IL1RN: variants seen among roughly 807,000 people sequenced by gnomAD.
IL1RN encodes the protein interleukin 1 receptor antagonist.
In IL1RN, 10 loss-of-function variants were observed where a neutral mutation model predicts 13.7. The ratio of observed to expected loss-of-function variants is 0.73; its 90% CI spans 0.45 to 1.24. The LOEUF is 1.24. Ranked by LOEUF, IL1RN falls within the 50% of genes most tolerant of loss-of-function variation. IL1RN has a pLI of 0.00. For synonymous variants in IL1RN, 102 were observed against 82.7 expected (o/e 1.23, Z -1.27); for missense variants, 213 against 222.1 (o/e 0.96, Z 0.26).
intron 2 of IL1RN, chr2:113,120,256 G>T: frequency 1.3e-6 from 1 of 786,882 alleles, no homozygotes; most frequent in Non-Finnish European, 2.3e-6. Flanking sequence ...GAATGAAAAC[G>T]ATTGATTACT....
upstream of IL1RN, among the ~76,000 whole-genome samples, chr2:113,110,282 C>T (rs1229096498): frequency 6.6e-6 from 1 of 152,200 alleles, no homozygotes; most frequent in East Asian, 1.9e-4. Flanking sequence ...CATTGTCATT[C>T]TGGGGTTTAT....
chr2:113,112,608 G>A (rs904722420), intron 1 of IL1RN, among the ~76,000 whole-genome samples: 7 of 152,092 alleles, frequency 4.6e-5, no homozygotes, highest in East Asian at 1.9e-4. Flanking sequence ...TGAATTCCCC[G>A]CCCACGCTTT....
At chr2:113,128,848 T>C (rs1478770047) in intron 1 of IL1RN, among the ~76,000 whole-genome samples, 1 of 152,142 alleles carries the variant, frequency 6.6e-6, no homozygotes, top group Non-Finnish European at 1.5e-5. Flanking sequence ...AGTCCTGCTC[T>C]CAACCAGAGA....
At chr2:113,121,575 C>T in intron 2 of IL1RN, 16 of 985,416 alleles carry the variant, frequency 1.6e-5, no homozygotes, top group Non-Finnish European at 1.8e-5. Context: ...ACTGCTGGGG[C>T]AAAAATCATC....
chr2:113,100,876 T>G, the IL1RN span, among the ~76,000 whole-genome samples: 1 of 152,246 alleles, frequency 6.6e-6, no homozygotes, highest in South Asian at 2.1e-4. Context: ...GAAAAATATT[T>G]TTTTCTCAGT....
chr2:113,131,260 A>G (rs373572361), intron 3 of IL1RN, 103 bp downstream of exon 3: 1 of 762,284 alleles, frequency 1.3e-6, no homozygotes, highest in Non-Finnish European at 2.4e-6. Flanking sequence ...TTAGCTGGGT[A>G]GTTCTGTTCC....
intron 2 of IL1RN, among the ~76,000 whole-genome samples, chr2:113,120,540 T>C (rs1686736716): frequency 6.6e-6 from 1 of 152,182 alleles, no homozygotes; most frequent in Non-Finnish European, 1.5e-5. Flanking sequence ...TCCAATTATC[T>C]GAGTTTTTCA....
At chr2:113,126,957 G>A (rs1272099279), upstream of IL1RN, among the ~76,000 whole-genome samples, 1 of 152,206 alleles carries the variant, frequency 6.6e-6, no homozygotes, top group Non-Finnish European at 1.5e-5. Context: ...CTTTACATCA[G>A]GGGTCAGCAG....
chr2:113,123,246 C>A (rs2104443873), upstream of IL1RN, among the ~76,000 whole-genome samples: 1 of 152,332 alleles, frequency 6.6e-6, no homozygotes, highest in East Asian at 1.9e-4. Context: ...TCCAAAAGAT[C>A]TCTTTGGAGG....
chr2:113,109,094 T>G (rs1446016628), upstream of IL1RN, among the ~76,000 whole-genome samples: 2 of 146,878 alleles, frequency 1.4e-5, no homozygotes, highest in African/African-American at 5.0e-5. Flanking sequence ...AATAATAAGG[T>G]GAGAGAGAAA....
At chr2:113,102,168 C>T in the IL1RN span, among the ~76,000 whole-genome samples, 1 of 152,150 alleles carries the variant, frequency 6.6e-6, no homozygotes, top group African/African-American at 2.4e-5. Flanking sequence ...TGTATTTGCT[C>T]CCAGTTCTGG....
the IL1RN span, among the ~76,000 whole-genome samples, chr2:113,099,815 A>G: frequency 3.0e-5 from 4 of 132,186 alleles, no homozygotes; most frequent in African/African-American, 1.1e-4. Context: ...GCTCACTGCA[A>G]GCTCCGCCTC....
At chr2:113,105,729 A>G (rs981540177), upstream of IL1RN, among the ~76,000 whole-genome samples, 19 of 152,260 alleles carry the variant, frequency 1.2e-4, no homozygotes, top group Non-Finnish European at 2.9e-5. Context: ...AAACAACTGT[A>G]TAATTGTCTA....
intron 2 of IL1RN, 26 bp from the exon 3 acceptor site, chr2:113,131,019 T>C (rs1687148123): frequency 5.0e-6 from 7 of 1,403,644 alleles, no homozygotes; most frequent in African/African-American, 1.4e-5. Flanking sequence ...TCTATTAACC[T>C]GACCCTCCCC....
At chr2:113,130,906 A>G (rs920465621) in intron 2 of IL1RN, 139 bp from the exon 3 acceptor site, 5 of 695,314 alleles carry the variant, frequency 7.2e-6, no homozygotes, top group Non-Finnish European at 1.0e-5. Flanking sequence ...GCAGACCAGG[A>G]AGATGAGACC....
At chr2:113,119,121 C>T (rs138005240) in intron 1 of IL1RN, among the ~76,000 whole-genome samples, 435 of 152,244 alleles carry the variant, frequency 2.9e-3, no homozygotes, top group Non-Finnish European at 4.9e-3. Context: ...GTCTTACTTT[C>T]CTTGCACTCC....
At chr2:113,122,906 A>G (rs928697328), upstream of IL1RN, among the ~76,000 whole-genome samples, 1 of 152,166 alleles carries the variant, frequency 6.6e-6, no homozygotes, top group African/African-American at 2.4e-5. Flanking sequence ...TGGGTGGATC[A>G]CCTGAGGTCG....
chr2:113,127,812 G>C (rs1442573238), intron 1 of IL1RN, 72 bp downstream of exon 1: 5 of 1,501,876 alleles, frequency 3.3e-6, no homozygotes, highest in Middle Eastern at 2.2e-4. Context: ...CAGCTGCCAG[G>C]GGCTGCCAGG....
chr2:113,101,794 T>A, the IL1RN span, among the ~76,000 whole-genome samples: 1 of 151,994 alleles, frequency 6.6e-6, no homozygotes, highest in Admixed American at 6.5e-5. Context: ...TGAGATGGAG[T>A]TTCTCTCTTG....
Sources: allele counts gnomAD v4.1 joint callset (sites outside exome capture counted in the v4.1 genomes callset), GRCh38; gene constraint gnomAD v4.1.1; transcripts MANE v1.5; gene names NCBI Gene and HGNC (gene_info 2026-07-23, HGNC 2026-07-21).